The following BBOX1 variants were observed in gnomAD, a reference collection of about 807,000 sequenced individuals.
BBOX1 encodes gamma-butyrobetaine hydroxylase 1, also known as gamma-butyrobetaine dioxygenase.
BBOX1 carries 35 observed loss-of-function variants against 41.6 expected under a neutral mutation model. The ratio of observed to expected loss-of-function variants is 0.84; its 90% CI spans 0.64 to 1.11. The LOEUF (loss-of-function observed/expected upper bound fraction) is 1.11, where lower values mean the gene tolerates loss of function less well. BBOX1 is among the 50% of genes most tolerant of loss of function. BBOX1 has a pLI of 0.00. For synonymous variants in BBOX1, 163 were observed against 154.7 expected, an observed-to-expected ratio of 1.05 and a Z score of -0.40; for missense variants, 458 against 460.6, an observed-to-expected ratio of 0.99 and a Z score of 0.05.
At chr11:27,067,946 T>C in intron 4 of BBOX1, among the ~76,000 whole-genome samples, 1 of 152,086 alleles carries the variant, frequency 6.6e-6, no homozygotes, top group East Asian at 1.9e-4. Context: ...TTCCATGGTG[T>C]GTATATACCA....
intron 2 of BBOX1, chr11:27,047,227 A>C (rs530954482): frequency 1.3e-5 from 2 of 152,334 alleles, no homozygotes; most frequent in African/African-American, 4.8e-5. Context: ...CTTCCTCAGG[A>C]CATCCATTTG....
rs1214035047 is a variant in BBOX1 at position 27,070,059 on chromosome 11, G to A, written c.334+12744G>A. Among the ~76,000 whole-genome samples, 6 of 152,040 alleles carry A rather than the reference G, an allele frequency of 3.9e-5. No individual in the cohort carries two copies. In the East Asian group the frequency reaches 9.6e-4, roughly 24 times the overall value. On this transcript the variant is annotated intron_variant, in intron 4 of 8. Coordinates refer to ENST00000263182, the MANE Select transcript of BBOX1 (RefSeq NM_003986.3). ...TAAGAGAAGATTGTTTAATTTCCAT[G>A]GGTTTGTATTGTTTTCAGGGTTCCT... is the stretch of plus-strand genomic sequence containing the variant.
chr11:27,090,329 C>T (rs778430587), intron 4 of BBOX1, among the ~76,000 whole-genome samples: 10 of 151,838 alleles, frequency 6.6e-5, no homozygotes, highest in African/African-American at 1.5e-4. Flanking sequence ...GGGGTGACAT[C>T]GCATATCAGT....
rs1002118335 is a variant in BBOX1 at position 27,078,035 on chromosome 11, C to G, written c.335-15133C>G. On this transcript the variant is annotated intron_variant, in intron 4 of 8. Transcript: ENST00000263182. Reference sequence around the variant, plus strand: ...CCAATCCTCCCACAATCTGGTACCCCCTCCACGAGCATGTGGACTTCTTTT... The same window carrying G: ...CCAATCCTCCCACAATCTGGTACCCGCTCCACGAGCATGTGGACTTCTTTT... Among the ~76,000 whole-genome samples, 13 of 152,152 alleles carry G rather than the reference C, an allele frequency of 8.5e-5. No homozygotes were observed. The East Asian group carries it at 1.2e-3, about 14-fold the overall frequency.
chr11:27,087,856 T>C (rs1022603663), intron 4 of BBOX1, among the ~76,000 whole-genome samples: 2 of 152,134 alleles, frequency 1.3e-5, no homozygotes, highest in Admixed American at 6.6e-5. Context: ...TGAAAAAGTA[T>C]ACATTTTGAA....
intron 7 of BBOX1, among the ~76,000 whole-genome samples, chr11:27,122,952 A>T (rs1361163751): frequency 6.6e-6 from 1 of 152,100 alleles, no homozygotes; most frequent in Non-Finnish European, 1.5e-5. Flanking sequence ...TCAGCATGCA[A>T]ACTTACATTA....
intron 5 of BBOX1, among the ~76,000 whole-genome samples, chr11:27,102,973 G>A (rs571762305): frequency 3.9e-5 from 6 of 152,094 alleles, no homozygotes; most frequent in South Asian, 2.1e-4. Flanking sequence ...GGTGGATCAC[G>A]AGGTCAGGAG....
intron 5 of BBOX1, among the ~76,000 whole-genome samples, chr11:27,105,834 C>A (rs892059579): frequency 2.6e-5 from 4 of 151,988 alleles, no homozygotes; most frequent in African/African-American, 9.7e-5. Flanking sequence ...TTAAGGGTAG[C>A]CAGAGAGAAA....
intron 5 of BBOX1, among the ~76,000 whole-genome samples, chr11:27,101,770 A>T (rs1280589882): frequency 6.6e-6 from 1 of 152,148 alleles, no homozygotes; most frequent in Non-Finnish European, 1.5e-5. Flanking sequence ...ACAGTGTACA[A>T]CATGACATTT....
intron 7 of BBOX1, among the ~76,000 whole-genome samples, chr11:27,122,888 G>A (rs535053145): frequency 7.2e-5 from 11 of 151,964 alleles, no homozygotes; most frequent in Admixed American, 1.3e-4. Flanking sequence ...TGTCCTTTAT[G>A]TATAGCGAAT....
intron 2 of BBOX1, among the ~76,000 whole-genome samples, chr11:27,050,569 T>C (rs1851639042): frequency 6.6e-6 from 1 of 152,132 alleles, no homozygotes; most frequent in Admixed American, 6.6e-5. Context: ...TTTTACTCCT[T>C]GGTTAAATGT....
intron 5 of BBOX1, among the ~76,000 whole-genome samples, chr11:27,102,207 G>T (rs1858687464): frequency 6.6e-6 from 1 of 152,002 alleles, no homozygotes; most frequent in Non-Finnish European, 1.5e-5. Context: ...GCATGTGGTT[G>T]ATAATACTCT....
At chr11:27,109,148 C>G (rs1858967854) in intron 5 of BBOX1, among the ~76,000 whole-genome samples, 1 of 151,948 alleles carries the variant, frequency 6.6e-6, no homozygotes, top group Admixed American at 6.6e-5. Context: ...AAAATTATAA[C>G]CATCTTCATA....
intron 4 of BBOX1, among the ~76,000 whole-genome samples, chr11:27,086,652 A>G (rs903974709): frequency 2.0e-5 from 3 of 152,158 alleles, no homozygotes; most frequent in African/African-American, 4.8e-5. Flanking sequence ...TCTGCAGCCC[A>G]GGGAGCAAGG....
chr11:27,126,716 C>T (rs1463147687), intron 8 of BBOX1, among the ~76,000 whole-genome samples: 1 of 149,452 alleles, frequency 6.7e-6, no homozygotes, highest in Non-Finnish European at 1.5e-5. Context: ...TGCTCTGTCG[C>T]CCAGGCTGGA....
At chr11:27,118,689 G>T (rs1028274256) in intron 6 of BBOX1, among the ~76,000 whole-genome samples, 1 of 152,074 alleles carries the variant, frequency 6.6e-6, no homozygotes, top group East Asian at 1.9e-4. Context: ...AGTATTGTCA[G>T]GCTCCATCAT....
At chr11:27,061,462 G>A (rs1205591442) in intron 4 of BBOX1, among the ~76,000 whole-genome samples, 2 of 152,170 alleles carry the variant, frequency 1.3e-5, no homozygotes, top group Admixed American at 1.3e-4. Context: ...AAATTAATGA[G>A]CCATTTTTGG....
At chr11:27,043,427 T>TACATGTGCAGAATGTGCAGGTTTGGGGG (rs1851399810) in intron 2 of BBOX1, among the ~76,000 whole-genome samples, 1 of 152,086 alleles carries the variant, frequency 6.6e-6, no homozygotes, top group African/African-American at 2.4e-5. Context: ...ACGTTTGGGG[T>TACATGTGCAGAATGTGCAGGTTTGGGGG]ACATGTGCAG....
intron 5 of BBOX1, among the ~76,000 whole-genome samples, chr11:27,097,421 T>A (rs1200886497): frequency 6.6e-6 from 1 of 152,028 alleles, no homozygotes; most frequent in East Asian, 1.9e-4. Context: ...ACGAAGTAAA[T>A]CCCAAAGAAA....
Sources: allele counts gnomAD v4.1 joint callset (sites outside exome capture counted in the v4.1 genomes callset), GRCh38; gene constraint gnomAD v4.1.1; transcripts MANE v1.5; gene names NCBI Gene and HGNC (gene_info 2026-07-23, HGNC 2026-07-21).